The following ADCY5 variants were observed in gnomAD, a reference collection of about 807,000 sequenced individuals.
ADCY5 encodes adenylate cyclase type 5.
Under a neutral mutation model 119.7 loss-of-function variants are expected in ADCY5, and 30 were observed. The ratio of observed to expected loss-of-function variants is 0.25; its 90% CI spans 0.19 to 0.34. The LOEUF (loss-of-function observed/expected upper bound fraction) is 0.34, where lower values mean the gene tolerates loss of function less well. Ranked by LOEUF, ADCY5 falls within the 10% of genes least tolerant of loss-of-function variation. The pLI is 1.00. For missense variants in ADCY5, 1,324 were observed against 1,775.2 expected (o/e 0.75, Z 4.57); for synonymous variants, 753 against 762.2 (o/e 0.99, Z 0.20).
rs138693421 is a variant in ADCY5, at chr3:123,348,674, G to A, written c.1285-771C>T. ...GGGAGGTGGGAGAGAAGCAAGTGGA[G>A]GGGCAGGCCACATCACGGAGGCTCA... On this transcript the variant is annotated intron_variant, in intron 2 of 20. Transcript: ENST00000462833. Among the ~76,000 whole-genome samples the A allele has an allele frequency of 3.8e-4, 58 of 152,288 alleles. No individual in the cohort carries two copies. In the Middle Eastern group the frequency reaches 0.014, roughly 36 times the overall value.
At chr3:123,319,489 C>T (rs540527977) in intron 10 of ADCY5, among the ~76,000 whole-genome samples, 185 bp downstream of exon 10, 1 of 152,278 alleles carries the variant, frequency 6.6e-6, no homozygotes, top group Admixed American at 6.5e-5. Context: ...AAGGTGTATC[C>T]CTTCCAACCA....
In ADCY5 at chr3:123,352,028, C is replaced by T. The variant is rs764897677; in HGVS notation, c.1284+404G>A. Among the ~76,000 whole-genome samples the T allele has an allele frequency of 2.6e-5, 4 of 152,206 alleles. No homozygotes were observed. The highest frequency in any genetic ancestry group is 1.9e-4 in the East Asian group (1 of 5,192). Reference sequence around the variant, plus strand: ...CTTCTTCTCCCTCATCCCTCCCCTGCGGAGCACCTTAATCCCAGTTAGGAA... The same window carrying T: ...CTTCTTCTCCCTCATCCCTCCCCTGTGGAGCACCTTAATCCCAGTTAGGAA... On this transcript the variant is annotated intron_variant, in intron 2 of 20. Coordinates refer to ENST00000462833, the MANE Select transcript of ADCY5 (RefSeq NM_183357.3). This position sits in a 1 kb window ranked among gnomAD's most constrained non-coding sequence, Gnocchi z 4.8.
At chr3:123,375,531 C>CTGGAGGGATATTTAT (rs1206047041) in intron 1 of ADCY5, among the ~76,000 whole-genome samples, 2 of 152,238 alleles carry the variant, frequency 1.3e-5, no homozygotes, top group Non-Finnish European at 2.9e-5. Flanking sequence ...GTTCTCAGAG[C>CTGGAGGGATATTTAT]AATCTGGAGA....
intron 1 of ADCY5, among the ~76,000 whole-genome samples, chr3:123,424,153 A>C (rs1432285652): frequency 6.6e-6 from 1 of 152,232 alleles, no homozygotes; most frequent in Non-Finnish European, 1.5e-5. Flanking sequence ...GTGCACACGC[A>C]CGTGGGACTG....
At chr3:123,295,578 A>G (rs1939447483) in intron 17 of ADCY5, among the ~76,000 whole-genome samples, 1 of 152,168 alleles carries the variant, frequency 6.6e-6, no homozygotes, top group African/African-American at 2.4e-5. Context: ...TCCCCTCTGG[A>G]GAAGTCTTCA....
intron 3 of ADCY5, among the ~76,000 whole-genome samples, chr3:123,335,801 A>C (rs1941996778): frequency 6.6e-6 from 1 of 152,222 alleles, no homozygotes; most frequent in Non-Finnish European, 1.5e-5. Context: ...CCCACCTCCC[A>C]GGAGAAGCAC....
Position 123,448,671 on chromosome 3 carries a change from C to G in ADCY5, c.-126G>C. ...TCACACGTCGGGGGCGGCCCGGGGCCCTGCGCTGCAGCGGGGCATCTTGGC... is the reference window on the plus strand; with the variant it reads ...TCACACGTCGGGGGCGGCCCGGGGCGCTGCGCTGCAGCGGGGCATCTTGGC... On this transcript the variant is annotated 5_prime_UTR_variant, in exon 1 of 21. Coordinates refer to ENST00000462833, the MANE Select transcript of ADCY5 (RefSeq NM_183357.3). The G allele has an allele frequency of 1.1e-6, 1 of 876,366 alleles. No individual in the cohort carries two copies. 54.3% of individuals were successfully genotyped at this position (876,366 alleles called of 1,614,324 possible). A position where few individuals can be genotyped will look rare whatever the true frequency, so the allele number is the denominator to read the frequency against.
intron 1 of ADCY5, among the ~76,000 whole-genome samples, chr3:123,380,489 G>A (rs1352335751): frequency 6.6e-6 from 1 of 152,218 alleles, no homozygotes. Context: ...GGCACTGTTG[G>A]CTTCCTCTTC....
intron 1 of ADCY5, among the ~76,000 whole-genome samples, chr3:123,426,880 C>T (rs970074702): frequency 6.6e-5 from 10 of 151,996 alleles, no homozygotes; most frequent in East Asian, 1.9e-4. Flanking sequence ...GTTGACTCTT[C>T]GGGTGCTTAA....
chr3:123,448,745 A>G lies in ADCY5; in HGVS notation c.-200T>C, dbSNP rs1263487731. 7.1e-6 allele frequency: 3 copies of G among 424,220 alleles called. No individual in the cohort carries two copies. Among genetic ancestry groups the G allele is most frequent in the Non-Finnish European group, 1.2e-5 (3 of 251,036 alleles). The allele number at this position is 424,220 out of a possible 1,614,324, so 26.3% of individuals were successfully genotyped here. ...AGGGCACAGCCCCGAGGTGAGAAGT[A>G]GCTGAGGATCCGCGTCAGAAGTCCC... On this transcript the variant is annotated 5_prime_UTR_variant, in exon 1 of 21. Coordinates refer to ENST00000462833, the MANE Select transcript of ADCY5 (RefSeq NM_183357.3).
At chr3:123,324,535 C>G (rs1239012946) in intron 8 of ADCY5, among the ~76,000 whole-genome samples, 2 of 152,004 alleles carry the variant, frequency 1.3e-5, no homozygotes, top group South Asian at 2.1e-4. Flanking sequence ...CCTGGTGCCC[C>G]CGAGCTGAGC....
chr3:123,412,112 G>C (rs1302907501), intron 1 of ADCY5, among the ~76,000 whole-genome samples: 1 of 152,178 alleles, frequency 6.6e-6, no homozygotes, highest in African/African-American at 2.4e-5. Flanking sequence ...CTCCACATAG[G>C]GGAGGATGGG....
intron 5 of ADCY5, 143 bp from the exon 6 acceptor site, chr3:123,328,945 G>C: frequency 1.1e-6 from 1 of 925,264 alleles, no homozygotes; most frequent in Non-Finnish European, 1.6e-6. Context: ...GTCCAAGAAC[G>C]TTCAGCCTGA....
chr3:123,308,006 G>A (rs1303063747), intron 12 of ADCY5, among the ~76,000 whole-genome samples: 4 of 124,108 alleles, frequency 3.2e-5, no homozygotes, highest in Non-Finnish European at 6.5e-5. Context: ...CTTCCTCCAT[G>A]CTCTTTTTTT....
intron 1 of ADCY5, among the ~76,000 whole-genome samples, chr3:123,356,396 T>C (rs1008959472): frequency 6.6e-6 from 1 of 152,172 alleles, no homozygotes; most frequent in African/African-American, 2.4e-5. Context: ...GCAAATCATA[T>C]TTCACACCTT....
intron 1 of ADCY5, among the ~76,000 whole-genome samples, chr3:123,387,927 A>G (rs1208955322): frequency 3.3e-5 from 5 of 152,228 alleles, no homozygotes; most frequent in African/African-American, 1.2e-4. Context: ...TGAATGCTGG[A>G]AGGTGACCCA....
intron 17 of ADCY5, among the ~76,000 whole-genome samples, chr3:123,291,658 C>T (rs1939160931): frequency 1.3e-5 from 2 of 152,112 alleles, no homozygotes; most frequent in Non-Finnish European, 2.9e-5. Flanking sequence ...AGCAGGGAGC[C>T]CCGAGCAGGA....
At chr3:123,363,347 G>A (rs2107509823) in intron 1 of ADCY5, among the ~76,000 whole-genome samples, 1 of 152,222 alleles carries the variant, frequency 6.6e-6, no homozygotes, top group African/African-American at 2.4e-5. Flanking sequence ...TAGTAATAAT[G>A]TTGGCAAGAA....
Position 123,448,375 on chromosome 3 carries a change from G to A in ADCY5, c.171C>T (p.Pro57=), listed in dbSNP as rs1452873340. 5 of 1,480,192 alleles carry A rather than the reference G, an allele frequency of 3.4e-6. No homozygotes were observed. In the South Asian group the frequency reaches 5.1e-5, roughly 15 times the overall value. 91.7% of individuals were successfully genotyped at this position (1,480,192 alleles called of 1,614,324 possible). ...GGSARGSTKK[P]GGAVTPQQQQ... ...GCTGCTGCGGGGTCACCGCCCCCCC[G>A]GGTTTCTTGGTGGAGCCGCGGGCAG... is the stretch of plus-strand genomic sequence containing the variant. Residue 57 remains proline, a synonymous_variant, in exon 1 of 21, where the codon CCC becomes CCT. Transcript: ENST00000462833.
Sources: allele counts gnomAD v4.1 joint callset (sites outside exome capture counted in the v4.1 genomes callset), GRCh38; gene constraint gnomAD v4.1.1; non-coding constraint Gnocchi (gnomAD v3.1); transcripts MANE v1.5; gene names NCBI Gene and HGNC (gene_info 2026-07-23, HGNC 2026-07-21).